Variants in SNX24 observed in about 807,000 individuals in gnomAD.
SNX24 encodes sorting nexin 24.
A neutral mutation model predicts 28.7 loss-of-function variants in SNX24; 22 were observed. The ratio of observed to expected loss-of-function variants is 0.77; its 90% CI spans 0.55 to 1.10. SNX24 has a LOEUF of 1.10. Ranked by LOEUF, SNX24 falls within the 50% of genes least tolerant of loss-of-function variation. The pLI, the probability that SNX24 is intolerant of heterozygous loss-of-function variation, is 0.00. For missense variants in SNX24, 221 were observed against 201.1 expected, an observed-to-expected ratio of 1.10 and a Z score of -0.60; for synonymous variants, 69 against 71.5, an observed-to-expected ratio of 0.96 and a Z score of 0.18.
intron 1 of SNX24, among the ~76,000 whole-genome samples, chr5:122,877,581 T>A (rs1202044930): frequency 6.6e-6 from 1 of 152,166 alleles, no homozygotes; most frequent in East Asian, 1.9e-4. Flanking sequence ...CTCTCTCATC[T>A]CTGCCTCACT....
intron 1 of SNX24, among the ~76,000 whole-genome samples, chr5:122,868,024 A>G (rs1755796657): frequency 6.6e-6 from 1 of 152,220 alleles, no homozygotes; most frequent in Non-Finnish European, 1.5e-5. Context: ...CTTCAAAGAT[A>G]TCCCAGAGAG....
intron 1 of SNX24, among the ~76,000 whole-genome samples, chr5:122,875,495 G>T (rs1009165898): frequency 6.6e-6 from 1 of 152,160 alleles, no homozygotes; most frequent in African/African-American, 2.4e-5. Context: ...GCCAGACTTG[G>T]GTTCTCACCT....
chr5:122,900,139 A>G (rs1398810746), intron 1 of SNX24, among the ~76,000 whole-genome samples: 1 of 149,518 alleles, frequency 6.7e-6, no homozygotes, highest in African/African-American at 2.5e-5. Context: ...CCTGCCTCAG[A>G]CTCCTGAGTA....
At chr5:123,002,651 G>A (rs563630228) in intron 6 of SNX24, among the ~76,000 whole-genome samples, 26 of 152,288 alleles carry the variant, frequency 1.7e-4, no homozygotes, top group African/African-American at 5.8e-4. Flanking sequence ...CCTCTTCCCC[G>A]AAACTATGTG....
At position 123,023,915 on chromosome 5, in the gene SNX24, T is replaced by C. The variant is rs375653028; in HGVS notation, n.384-5323T>C. The stretch of plus-strand genomic sequence containing the variant: ...CTCAACCACAAAAGGCGTTTTCACG[T>C]CTATCTTGCCACTGTTGATGATCGA... On this transcript the variant is annotated intron_variant and non_coding_transcript_variant, in intron 5 of 5. Transcript: ENST00000502387. The C allele has an allele frequency of 1.5e-5, 25 of 1,613,872 alleles. No homozygotes were observed. The highest frequency in any genetic ancestry group is 2.0e-5 in the Non-Finnish European group (24 of 1,179,992).
chr5:122,896,347 G>C (rs2150075125), intron 1 of SNX24, among the ~76,000 whole-genome samples: 3 of 152,308 alleles, frequency 2.0e-5, no homozygotes, highest in Admixed American at 2.0e-4. Context: ...TTTGGCATGT[G>C]AGTTGCATAT....
chr5:122,886,612 A>G (rs1016276102), intron 1 of SNX24, among the ~76,000 whole-genome samples: 1 of 151,858 alleles, frequency 6.6e-6, no homozygotes, highest in African/African-American at 2.4e-5. Context: ...CAGGAGTTCG[A>G]GACCAGCCTG....
chr5:122,929,878 T>G (rs1302851165), intron 1 of SNX24, among the ~76,000 whole-genome samples: 1 of 152,098 alleles, frequency 6.6e-6, no homozygotes, highest in Non-Finnish European at 1.5e-5. Context: ...TGAATTCCTT[T>G]TTTTTTCTTT....
intron 1 of SNX24, among the ~76,000 whole-genome samples, chr5:122,879,274 A>G (rs961080169): frequency 6.6e-6 from 1 of 152,328 alleles, no homozygotes; most frequent in African/African-American, 2.4e-5. Context: ...TATGTTGGAC[A>G]AGGCAGATTT....
intron 1 of SNX24, among the ~76,000 whole-genome samples, chr5:122,854,061 T>C (rs982095873): frequency 6.6e-6 from 1 of 152,178 alleles, no homozygotes; most frequent in African/African-American, 2.4e-5. Flanking sequence ...CTCACTTTGT[T>C]ATCTTCTGCT....
intron 3 of SNX24, among the ~76,000 whole-genome samples, chr5:122,947,741 A>C (rs1329331917): frequency 6.6e-6 from 1 of 152,196 alleles, no homozygotes; most frequent in Non-Finnish European, 1.5e-5. Context: ...GTAAAAATGC[A>C]TGTTCTCTAT....
intron 5 of SNX24, among the ~76,000 whole-genome samples, chr5:123,026,595 C>T (rs959774799): frequency 3.3e-5 from 5 of 152,218 alleles, no homozygotes; most frequent in African/African-American, 1.2e-4. Flanking sequence ...TTTCTTGCCT[C>T]AGCACCAAGA....
intron 3 of SNX24, among the ~76,000 whole-genome samples, chr5:122,947,380 A>G (rs759829378): frequency 6.6e-5 from 10 of 152,146 alleles, no homozygotes; most frequent in African/African-American, 1.7e-4. Flanking sequence ...TCAGAGGACT[A>G]TCTCTCAGTA....
intron 3 of SNX24, among the ~76,000 whole-genome samples, chr5:122,974,711 G>C (rs1761097375): frequency 7.0e-6 from 1 of 142,468 alleles, no homozygotes; most frequent in African/African-American, 2.4e-5. Flanking sequence ...ATGGATATGT[G>C]GTGGAAATCA....
chr5:122,979,787 TAAATA>T (rs1245642838), intron 3 of SNX24, among the ~76,000 whole-genome samples: 2 of 152,344 alleles, frequency 1.3e-5, no homozygotes, highest in Non-Finnish European at 2.9e-5. Flanking sequence ...ATTCTGGCCT[TAAATA>T]AAAATGAATA....
intron 1 of SNX24, among the ~76,000 whole-genome samples, chr5:122,906,619 C>T (rs1395830505): frequency 2.0e-5 from 3 of 152,186 alleles, no homozygotes; most frequent in African/African-American, 7.2e-5. Context: ...AGTGATTCTC[C>T]TGCCTCAGCC....
At chr5:122,867,064 A>G (rs1355060869) in intron 1 of SNX24, among the ~76,000 whole-genome samples, 2 of 152,142 alleles carry the variant, frequency 1.3e-5, no homozygotes, top group Non-Finnish European at 2.9e-5. Flanking sequence ...AGCACTATAT[A>G]TTATATGTTG....
At position 123,008,043 on chromosome 5, in the gene SNX24, G is replaced by C; in HGVS notation, c.*294G>C. On this transcript the variant is annotated 3_prime_UTR_variant, in exon 7 of 7. Coordinates refer to ENST00000261369, the MANE Select transcript of SNX24 (RefSeq NM_014035.4). The stretch of plus-strand genomic sequence containing the variant: ...CACAGGAGATTCCTGGGAGCACTGG[G>C]TGTAGCAAAACAAAGCCACTCTCTG... The C allele has an allele frequency of 9.2e-7, 1 of 1,090,078 alleles. No homozygotes were observed. Among genetic ancestry groups the C allele is most frequent in the Non-Finnish European group, 1.1e-6 (1 of 896,944 alleles). 67.5% of individuals were successfully genotyped at this position (1,090,078 alleles called of 1,614,324 possible).
chr5:122,905,052 CT>C (rs1757590498), intron 1 of SNX24, among the ~76,000 whole-genome samples: 2 of 152,198 alleles, frequency 1.3e-5, no homozygotes, highest in Admixed American at 6.5e-5. Context: ...TCTTCAAGTC[CT>C]TAATGTCCTC....
Sources: allele counts gnomAD v4.1 joint callset (sites outside exome capture counted in the v4.1 genomes callset), GRCh38; gene constraint gnomAD v4.1.1; transcripts MANE v1.5; gene names NCBI Gene and HGNC (gene_info 2026-07-23, HGNC 2026-07-21).